The following EPHA6 variants were observed in gnomAD, a reference collection of about 807,000 sequenced individuals.
EPHA6 encodes the protein EPH receptor A6.
A neutral mutation model predicts 112.0 loss-of-function variants in EPHA6; 50 were observed. That is an observed-to-expected ratio of 0.45 (90% CI 0.36 to 0.56). The LOEUF (loss-of-function observed/expected upper bound fraction) is 0.56. EPHA6 is among the 20% of genes least tolerant of loss of function. EPHA6 has a pLI of 0.00. For missense variants in EPHA6, 1,280 were observed against 1,417.4 expected (o/e 0.90, Z 1.56); for synonymous variants, 529 against 490.7 (o/e 1.08, Z -1.03).
At chr3:97,081,576 G>T (rs1281492416) in intron 3 of EPHA6, among the ~76,000 whole-genome samples, 1 of 151,698 alleles carries the variant, frequency 6.6e-6, no homozygotes, top group East Asian at 1.9e-4. Flanking sequence ...CAGTTCTGGT[G>T]TAAGTATACA....
chr3:97,276,478 C>T (rs1331412423), intron 5 of EPHA6, among the ~76,000 whole-genome samples: 2 of 152,036 alleles, frequency 1.3e-5, no homozygotes, highest in African/African-American at 4.8e-5. Context: ...TGGAGGAACA[C>T]CTGGCCGACT....
chr3:96,845,299 A>G (rs1213886281), intron 1 of EPHA6, among the ~76,000 whole-genome samples: 2 of 152,020 alleles, frequency 1.3e-5, no homozygotes, highest in Admixed American at 1.3e-4. Context: ...GCCTTAAAGG[A>G]GACTTATTTA....
chr3:97,433,740 C>T (rs535313344), intron 6 of EPHA6, among the ~76,000 whole-genome samples: 1 of 152,018 alleles, frequency 6.6e-6, no homozygotes, highest in Non-Finnish European at 1.5e-5. Context: ...GGGCAGAACA[C>T]TTAGTAAAAG....
chr3:97,624,901 C>A (rs1280944957), intron 13 of EPHA6, among the ~76,000 whole-genome samples: 1 of 151,238 alleles, frequency 6.6e-6, no homozygotes, highest in Non-Finnish European at 1.5e-5. Flanking sequence ...TAATATTACA[C>A]CTTCATTCTG....
chr3:97,241,597 T>A (rs1428715541), intron 4 of EPHA6, among the ~76,000 whole-genome samples: 1 of 151,728 alleles, frequency 6.6e-6, no homozygotes, highest in Non-Finnish European at 1.5e-5. Context: ...TGTTCCAAGT[T>A]CTAAATCTTA....
intron 13 of EPHA6, among the ~76,000 whole-genome samples, chr3:97,625,142 T>G (rs2093844941): frequency 6.6e-6 from 1 of 151,624 alleles, no homozygotes; most frequent in African/African-American, 2.4e-5. Flanking sequence ...AGGTTGTGGT[T>G]TGGAGATCTT....
intron 3 of EPHA6, among the ~76,000 whole-genome samples, chr3:96,998,018 A>G (rs1251500979): frequency 6.6e-6 from 1 of 152,000 alleles, no homozygotes; most frequent in Non-Finnish European, 1.5e-5. Context: ...ATTTTAGCAA[A>G]TTATTTTACA....
At chr3:97,311,601 A>G (rs1302505916) in intron 5 of EPHA6, among the ~76,000 whole-genome samples, 1 of 151,724 alleles carries the variant, frequency 6.6e-6, no homozygotes, top group African/African-American at 2.4e-5. Context: ...AAAAATTCAA[A>G]TGACTGGATT....
In EPHA6 at chr3:96,866,885, A is replaced by G. The variant is rs1355407093; in HGVS notation, c.446A>G (p.Asn149Ser). ...GELGWKTYPLNGWDAITEMDE... is the reference protein window; with the variant it reads ...GELGWKTYPLSGWDAITEMDE... Reference sequence around the variant, plus strand: ...CTAGGATGGAAAACATATCCATTAAATGGGGTAAGTTTAAATATCTGAAAA... The same window carrying G: ...CTAGGATGGAAAACATATCCATTAAGTGGGGTAAGTTTAAATATCTGAAAA... Residue 149 changes from asparagine to serine, a missense_variant, in exon 2 of 18, where the codon AAT (asparagine) becomes AGT (serine). Coordinates refer to ENST00000389672, the MANE Select transcript of EPHA6 (RefSeq NM_001080448.3). 1.4e-6 allele frequency: 2 copies of G among 1,471,918 alleles called. No individual in the cohort carries two copies. The highest frequency in any genetic ancestry group is 1.8e-6 in the Non-Finnish European group (2 of 1,103,494). The allele number at this position is 1,471,918 out of a possible 1,614,324, so 91.2% of individuals were successfully genotyped here.
At chr3:97,441,591 T>C in intron 6 of EPHA6, 1 of 218,688 alleles carries the variant, frequency 4.6e-6, no homozygotes, top group Non-Finnish European at 7.8e-6. Context: ...AGCATTGCAA[T>C]AAGAAAAAAA....
At chr3:97,177,530 A>G (rs1446706222) in intron 3 of EPHA6, among the ~76,000 whole-genome samples, 1 of 151,822 alleles carries the variant, frequency 6.6e-6, no homozygotes, top group Non-Finnish European at 1.5e-5. Flanking sequence ...AGCTCTAATA[A>G]TGTTTCCTTT....
At chr3:97,057,692 G>T (rs561299494) in intron 3 of EPHA6, among the ~76,000 whole-genome samples, 2 of 152,292 alleles carry the variant, frequency 1.3e-5, no homozygotes, top group South Asian at 4.1e-4. Flanking sequence ...TGATAGAAAG[G>T]ATATACTCAT....
chr3:96,987,532 C>T lies in EPHA6; in HGVS notation c.653C>T (p.Thr218Ile). The stretch of plus-strand genomic sequence containing the variant: ...TGGGTCTTGGGGACTTGCAAAGAAA[C>T]ATTTAATCTGTTTTATATGGAATCA... Reference protein sequence around the residue: ...IPWVLGTCKETFNLFYMESDE... With the variant: ...IPWVLGTCKEIFNLFYMESDE... The change falls in exon 3 of 18, where the codon ACA (threonine) becomes ATA (isoleucine). Residue 218 changes from threonine to isoleucine, a missense_variant. Thr to Ile is a moderately conservative substitution (Grantham distance 89). Around this residue, in one of 4 missense-constraint regions of EPHA6, gnomAD observed 878 missense variants for 999.7 expected, o/e 0.88. Transcript: ENST00000389672. 2 of 1,613,870 alleles carry T rather than the reference C, an allele frequency of 1.2e-6. No individual in the cohort carries two copies. The highest frequency in any genetic ancestry group is 1.7e-6 in the Non-Finnish European group (2 of 1,179,844).
At chr3:97,168,994 T>C (rs1237864245) in intron 3 of EPHA6, among the ~76,000 whole-genome samples, 3 of 152,154 alleles carry the variant, frequency 2.0e-5, no homozygotes, top group Non-Finnish European at 4.4e-5. Context: ...TGGACTAATA[T>C]ACACTCTTTT....
chr3:97,526,799 A>C (rs2092627153), intron 10 of EPHA6, among the ~76,000 whole-genome samples: 1 of 152,150 alleles, frequency 6.6e-6, no homozygotes, highest in Non-Finnish European at 1.5e-5. Flanking sequence ...CAGGGCTACC[A>C]TCAAGATTCA....
At chr3:97,657,704 T>C (rs1336751064) in intron 14 of EPHA6, among the ~76,000 whole-genome samples, 2 of 151,860 alleles carry the variant, frequency 1.3e-5, no homozygotes, top group Non-Finnish European at 2.9e-5. Flanking sequence ...CTAGCCACTA[T>C]TGAGACTAAC....
chr3:97,325,917 A>G (rs2082397785), intron 5 of EPHA6, among the ~76,000 whole-genome samples: 1 of 152,070 alleles, frequency 6.6e-6, no homozygotes, highest in Non-Finnish European at 1.5e-5. Flanking sequence ...CTGCTTATTA[A>G]AAAGGTACTG....
intron 11 of EPHA6, among the ~76,000 whole-genome samples, chr3:97,566,090 A>T (rs550384291): frequency 6.6e-6 from 1 of 152,078 alleles, no homozygotes; most frequent in Non-Finnish European, 1.5e-5. Flanking sequence ...TGGCACCAAC[A>T]TCTGTTTGGC....
rs2035954413 is a variant in EPHA6, at chr3:97,753,708, T to C, written c.*5007T>C. Among the ~76,000 whole-genome samples, 1 of 152,186 alleles carries C rather than the reference T, an allele frequency of 6.6e-6. No homozygotes were observed. The highest frequency in any genetic ancestry group is 2.4e-5 in the African/African-American group (1 of 41,442). On this transcript the variant is annotated 3_prime_UTR_variant, in exon 18 of 18. Transcript: ENST00000389672. ...ACATAATAATAGGTATGAACTGCAA[T>C]GGTGGCATAAAATCCTTTTAAATTC... is the stretch of plus-strand genomic sequence containing the variant.
Sources: allele counts gnomAD v4.1 joint callset (sites outside exome capture counted in the v4.1 genomes callset), GRCh38; gene constraint gnomAD v4.1.1; regional missense constraint gnomAD v4.1.1; transcripts MANE v1.5; gene names NCBI Gene and HGNC (gene_info 2026-07-23, HGNC 2026-07-21).